CYP11A1: variants seen among roughly 807,000 people sequenced by gnomAD.
CYP11A1 encodes the protein cholesterol side-chain cleavage enzyme, mitochondrial.
CYP11A1 carries 25 observed loss-of-function variants against 51.9 expected under a neutral mutation model. The ratio of observed to expected loss-of-function variants is 0.48; its 90% CI spans 0.35 to 0.67. The LOEUF is 0.67. Among genes scored for constraint, CYP11A1 ranks in the 30% least tolerant of loss-of-function variants. The pLI, the probability that CYP11A1 is intolerant of heterozygous loss-of-function variation, is 0.00. For synonymous variants in CYP11A1, 245 were observed against 262.1 expected (o/e 0.93, Z 0.63); for missense variants, 578 against 680.9 (o/e 0.85, Z 1.68).
At chr15:74,359,268 T>C (rs1205629624) in intron 1 of CYP11A1, among the ~76,000 whole-genome samples, 1 of 152,184 alleles carries the variant, frequency 6.6e-6, no homozygotes, top group Non-Finnish European at 1.5e-5. Context: ...TTAATCCTGC[T>C]TGAAGCAGCC....
intron 4 of CYP11A1, 72 bp downstream of exon 4, chr15:74,343,717 A>C (rs934111926): frequency 4.1e-5 from 56 of 1,357,614 alleles, no homozygotes; most frequent in Non-Finnish European, 5.9e-5. Context: ...GCCCATTGAC[A>C]TAGCGTGGGA....
At chr15:74,367,154 T>C in intron 1 of CYP11A1, 163 bp downstream of exon 1, 1 of 689,032 alleles carries the variant, frequency 1.5e-6, no homozygotes, top group African/African-American at 1.8e-5. Context: ...GAAATATCCC[T>C]GATATATTTC....
intron 1 of CYP11A1, among the ~76,000 whole-genome samples, chr15:74,354,962 G>A (rs1366981502): frequency 6.6e-6 from 1 of 152,054 alleles, no homozygotes; most frequent in East Asian, 1.9e-4. Flanking sequence ...GATCACCACG[G>A]GGACACCTGC....
chr15:74,342,234 C>T (rs2060610394), intron 5 of CYP11A1, among the ~76,000 whole-genome samples: 1 of 152,174 alleles, frequency 6.6e-6, no homozygotes, highest in South Asian at 2.1e-4. Flanking sequence ...AGGTGCCCAC[C>T]ACCAGGCCCA....
chr15:74,337,962 T>A lies in CYP11A1; in HGVS notation c.*10A>T. ...CTTCCTCCCATGTGGCTGCAGGCCA[T>A]CCTCTCTGATCACTGCTGGGTTGCT... is the stretch of plus-strand genomic sequence containing the variant. On this transcript the variant is annotated 3_prime_UTR_variant, in exon 9 of 9. Coordinates refer to ENST00000268053, the MANE Select transcript of CYP11A1 (RefSeq NM_000781.3). 1.2e-6 allele frequency: 2 copies of A among 1,613,718 alleles called. No individual in the cohort carries two copies. Among genetic ancestry groups the A allele is most frequent in the East Asian group, 2.2e-5 (1 of 44,870 alleles).
At chr15:74,346,208 C>G (rs1445896486) in intron 2 of CYP11A1, among the ~76,000 whole-genome samples, 2 of 151,972 alleles carry the variant, frequency 1.3e-5, no homozygotes, top group Non-Finnish European at 2.9e-5. Flanking sequence ...CAAAAATTAG[C>G]TGGGCATGGT....
intron 3 of CYP11A1, among the ~76,000 whole-genome samples, chr15:74,344,671 A>G (rs1321734711): frequency 6.6e-6 from 1 of 152,048 alleles, no homozygotes; most frequent in Non-Finnish European, 1.5e-5. Context: ...ACTCTCCTCT[A>G]CCCTACCAGA....
intron 1 of CYP11A1, chr15:74,365,631 A>G (rs1383861554): frequency 1.0e-6 from 1 of 965,528 alleles, no homozygotes; most frequent in East Asian, 1.1e-4. Context: ...GGAACTAGGA[A>G]TACTTTCCCT....
At chr15:74,367,064 G>A (rs967250835) in intron 1 of CYP11A1, 9 of 543,018 alleles carry the variant, frequency 1.7e-5, no homozygotes, top group East Asian at 6.5e-5. Flanking sequence ...GATGGCTGGC[G>A]GTCTTGCCAC....
At chr15:74,366,979 G>T (rs1236623388) in intron 1 of CYP11A1, 1 of 345,344 alleles carries the variant, frequency 2.9e-6, no homozygotes, top group Non-Finnish European at 5.4e-6. Context: ...GCCTCCCAAA[G>T]TGCTGGGATT....
intron 1 of CYP11A1, among the ~76,000 whole-genome samples, chr15:74,354,839 C>T (rs576379468): frequency 2.3e-4 from 35 of 152,196 alleles, no homozygotes; most frequent in African/African-American, 7.0e-4. Flanking sequence ...GTGTTTTATC[C>T]GTGAACCCAA....
intron 7 of CYP11A1, 117 bp downstream of exon 7, chr15:74,339,120 T>A: frequency 1.2e-6 from 1 of 866,442 alleles, no homozygotes; most frequent in Non-Finnish European, 1.9e-6. Context: ...TCATTCAGAC[T>A]TAGACTGCTG....
At chr15:74,363,094 C>T (rs2060716467) in intron 1 of CYP11A1, 1 of 152,216 alleles carries the variant, frequency 6.6e-6, no homozygotes, top group Admixed American at 6.5e-5. Flanking sequence ...GCAAATTCTA[C>T]TCTAAAGGCT....
At chr15:74,361,506 C>T in intron 1 of CYP11A1, 1 of 574,294 alleles carries the variant, frequency 1.7e-6, no homozygotes, top group Non-Finnish European at 3.3e-6. Context: ...TAACCTGTCG[C>T]TTTGCAGATG....
At chr15:74,363,529 A>G (rs2060718125) in intron 1 of CYP11A1, 1 of 152,164 alleles carries the variant, frequency 6.6e-6, no homozygotes, top group Non-Finnish European at 1.5e-5. Flanking sequence ...GATCCATTTG[A>G]TTTTAGGAGG....
chr15:74,347,128 G>A (rs2060636330), intron 2 of CYP11A1, among the ~76,000 whole-genome samples: 1 of 151,968 alleles, frequency 6.6e-6, no homozygotes, highest in African/African-American at 2.4e-5. Flanking sequence ...TTTTTGATGG[G>A]GTGGGTATGG....
intron 1 of CYP11A1, chr15:74,366,329 G>T: frequency 1.1e-6 from 1 of 887,000 alleles, no homozygotes; most frequent in Non-Finnish European, 1.3e-6. Flanking sequence ...GTTGCCCAGG[G>T]CGGGAGTGCA....
chr15:74,364,906 G>T (rs2060725117), intron 1 of CYP11A1, among the ~76,000 whole-genome samples: 1 of 152,082 alleles, frequency 6.6e-6, no homozygotes, highest in Non-Finnish European at 1.5e-5. Flanking sequence ...GTGCGGGGTG[G>T]GGGGAGCTCC....
At chr15:74,344,973 C>T (rs1053474473) in intron 3 of CYP11A1, 71 bp downstream of exon 3, 5 of 1,415,670 alleles carry the variant, frequency 3.5e-6, no homozygotes, top group Admixed American at 1.7e-5. Flanking sequence ...TACTGAACCT[C>T]AAGGTAAGAG....
Sources: allele counts gnomAD v4.1 joint callset (sites outside exome capture counted in the v4.1 genomes callset), GRCh38; gene constraint gnomAD v4.1.1; transcripts MANE v1.5; gene names NCBI Gene and HGNC (gene_info 2026-07-23, HGNC 2026-07-21).